The following WDR70 variants were observed in gnomAD, a reference collection of about 807,000 sequenced individuals.
The protein encoded by WDR70 is WD repeat-containing protein 70.
Under a neutral mutation model 88.6 loss-of-function variants are expected in WDR70, and 53 were observed. The observed-to-expected ratio is 0.60, with a 90% confidence interval of 0.48 to 0.75. The LOEUF (loss-of-function observed/expected upper bound fraction) is 0.75. Among genes scored for constraint, WDR70 ranks in the 30% least tolerant of loss-of-function variants. WDR70 has a pLI of 0.00. For synonymous variants in WDR70, 280 were observed against 270.0 expected, an observed-to-expected ratio of 1.04 and a Z score of -0.36; for missense variants, 610 against 823.2, an observed-to-expected ratio of 0.74 and a Z score of 3.17.
chr5:37,685,506 G>A (rs962580863), intron 10 of WDR70, among the ~76,000 whole-genome samples: 2 of 152,106 alleles, frequency 1.3e-5, no homozygotes, highest in African/African-American at 2.4e-5. Flanking sequence ...TGGGACCCTG[G>A]AAGAGGCCAG....
chr5:37,702,668 G>A (rs1465354611), intron 12 of WDR70, among the ~76,000 whole-genome samples: 1 of 152,008 alleles, frequency 6.6e-6, no homozygotes, highest in Non-Finnish European at 1.5e-5. Flanking sequence ...ACAGATTCTG[G>A]AGTCTGACTG....
chr5:37,447,003 A>C (rs1156292696), intron 7 of WDR70, among the ~76,000 whole-genome samples: 1 of 152,218 alleles, frequency 6.6e-6, no homozygotes, highest in Non-Finnish European at 1.5e-5. Flanking sequence ...GTGAACAGGC[A>C]ACCTACAGAA....
chr5:37,625,871 T>C (rs986278074), intron 10 of WDR70, among the ~76,000 whole-genome samples: 5 of 152,132 alleles, frequency 3.3e-5, no homozygotes, highest in African/African-American at 1.2e-4. Context: ...GTTTTTCTGT[T>C]CTTTGTATAT....
At chr5:37,506,625 T>A (rs1006082727) in intron 8 of WDR70, 1 of 777,818 alleles carries the variant, frequency 1.3e-6, no homozygotes, top group African/African-American at 1.7e-5. Flanking sequence ...TTCAGGAGGC[T>A]TAGAATCTGT....
intron 10 of WDR70, among the ~76,000 whole-genome samples, chr5:37,673,582 TA>T (rs1746093681): frequency 4.1e-5 from 2 of 48,544 alleles, no homozygotes; most frequent in East Asian, 6.7e-4. Context: ...TGACTTTTCT[TA>T]CCCCCCCCCC....
At chr5:37,749,976 T>C (rs59898254) in intron 17 of WDR70, among the ~76,000 whole-genome samples, 120,403 of 152,114 alleles carry the variant, frequency 0.79, 52,697 homozygotes, top group East Asian at 1. Flanking sequence ...ACCAATTTGT[T>C]TTGTTTTTAG....
intron 8 of WDR70, among the ~76,000 whole-genome samples, chr5:37,489,330 G>A (rs1739991899): frequency 6.6e-6 from 1 of 152,092 alleles, no homozygotes; most frequent in Non-Finnish European, 1.5e-5. Context: ...GGGTGGGTTG[G>A]GCCCCTGAGC....
intron 9 of WDR70, among the ~76,000 whole-genome samples, chr5:37,533,990 G>A: frequency 6.6e-6 from 1 of 152,208 alleles, no homozygotes; most frequent in East Asian, 1.9e-4. Flanking sequence ...CAGGGAGCCT[G>A]CAGTGGTGAT....
intron 5 of WDR70, 145 bp from the exon 6 acceptor site, chr5:37,437,777 C>A: frequency 1.5e-6 from 1 of 659,430 alleles, no homozygotes; most frequent in Non-Finnish European, 2.5e-6. Flanking sequence ...AAGATACTCT[C>A]ACACTTTTTT....
chr5:37,381,227 A>G (rs1209975970), intron 2 of WDR70, among the ~76,000 whole-genome samples: 1 of 152,212 alleles, frequency 6.6e-6, no homozygotes, highest in Non-Finnish European at 1.5e-5. Context: ...TTCTTCTGCC[A>G]TAGCTGTTCT....
chr5:37,520,276 T>C (rs1384507289), intron 9 of WDR70, among the ~76,000 whole-genome samples: 1 of 152,210 alleles, frequency 6.6e-6, no homozygotes, highest in Non-Finnish European at 1.5e-5. Flanking sequence ...CTTTATGTTT[T>C]CTGAAATATA....
intron 10 of WDR70, among the ~76,000 whole-genome samples, chr5:37,638,618 T>G (rs1356434): frequency 6.6e-6 from 1 of 152,196 alleles, no homozygotes; most frequent in Admixed American, 6.5e-5. Flanking sequence ...GTTAATATGT[T>G]AAGTTCTCAA....
At chr5:37,418,501 T>G (rs1311683862) in intron 5 of WDR70, among the ~76,000 whole-genome samples, 1 of 152,078 alleles carries the variant, frequency 6.6e-6, no homozygotes, top group Non-Finnish European at 1.5e-5. Context: ...TTCTATTTTT[T>G]AGTAGAGACG....
intron 9 of WDR70, among the ~76,000 whole-genome samples, chr5:37,565,451 T>C (rs867427128): frequency 2.6e-5 from 4 of 152,160 alleles, no homozygotes; most frequent in Non-Finnish European, 5.9e-5. Context: ...GCTGGTGAAA[T>C]AGTTTAGCTG....
At chr5:37,527,960 A>G (rs1741349865) in intron 9 of WDR70, among the ~76,000 whole-genome samples, 1 of 152,232 alleles carries the variant, frequency 6.6e-6, no homozygotes, top group Non-Finnish European at 1.5e-5. Flanking sequence ...AATGCCGATC[A>G]TTAAAAACTC....
At chr5:37,531,743 G>A (rs1324724043) in intron 9 of WDR70, among the ~76,000 whole-genome samples, 1 of 151,570 alleles carries the variant, frequency 6.6e-6, no homozygotes, top group South Asian at 2.1e-4. Context: ...GGAGCAGTTA[G>A]GCCATTTACG....
intron 10 of WDR70, among the ~76,000 whole-genome samples, chr5:37,611,168 GT>G (rs983677609): frequency 2.0e-5 from 3 of 151,926 alleles, no homozygotes; most frequent in African/African-American, 4.8e-5. Flanking sequence ...CTTTTAGTGG[GT>G]TTTTTTGTTA....
At chr5:37,429,191 AG>A (rs1245608671) in intron 5 of WDR70, among the ~76,000 whole-genome samples, 2 of 152,150 alleles carry the variant, frequency 1.3e-5, no homozygotes, top group Non-Finnish European at 2.9e-5. Context: ...TTGAAAAATT[AG>A]GTTGCCTTTT....
At chr5:37,525,580 CAAGA>C in intron 9 of WDR70, among the ~76,000 whole-genome samples, 1 of 152,208 alleles carries the variant, frequency 6.6e-6, no homozygotes, top group South Asian at 2.1e-4. Context: ...GCTAGAGAAG[CAAGA>C]GCAAACACAT....
Sources: allele counts gnomAD v4.1 joint callset (sites outside exome capture counted in the v4.1 genomes callset), GRCh38; gene constraint gnomAD v4.1.1; transcripts MANE v1.5; gene names NCBI Gene and HGNC (gene_info 2026-07-23, HGNC 2026-07-21).